HTRA3: variants seen among roughly 807,000 people sequenced by gnomAD.
HTRA3 encodes the protein HtrA serine peptidase 3, also known as serine protease HTRA3.
Under a neutral mutation model 43.2 loss-of-function variants are expected in HTRA3, and 41 were observed. The observed-to-expected ratio is 0.95, with a 90% CI of 0.74 to 1.23. The LOEUF (loss-of-function observed/expected upper bound fraction) is 1.23, where lower values mean the gene tolerates loss of function less well. Among genes scored for constraint, HTRA3 ranks in the 50% most tolerant of loss-of-function variants. The pLI, the probability that HTRA3 is intolerant of heterozygous loss-of-function variation, is 0.00. For synonymous variants in HTRA3, 295 were observed against 287.9 expected (o/e 1.02, Z -0.25); for missense variants, 628 against 647.1 (o/e 0.97, Z 0.32).
intron 3 of HTRA3, among the ~76,000 whole-genome samples, chr4:8,290,227 C>T (rs776800981): frequency 1.3e-5 from 2 of 152,246 alleles, no homozygotes; most frequent in South Asian, 2.1e-4. Flanking sequence ...CAAGGGCTCC[C>T]GTAATCCTGT....
chr4:8,301,106 C>A (rs1713634273), intron 6 of HTRA3, among the ~76,000 whole-genome samples: 1 of 150,668 alleles, frequency 6.6e-6, no homozygotes. Context: ...ATTATTGATT[C>A]ACACTCTCAG....
At position 8,306,220 on chromosome 4, in the gene HTRA3, C is replaced by T. The variant is rs1268951401; in HGVS notation, c.*84C>T. 19 of 1,407,032 alleles carry T rather than the reference C, an allele frequency of 1.4e-5. No individual in the cohort carries two copies. In the South Asian group the frequency reaches 1.6e-4, roughly 12 times the overall value. The allele number at this position is 1,407,032 out of a possible 1,614,324, so 87.2% of individuals were successfully genotyped here. ...CCCCGAGATCAGGACGAAGGACCAC[C>T]GTCGGTCCTCAGCAGGGCGGCAGCC... On this transcript the variant is annotated 3_prime_UTR_variant, in exon 9 of 9. Coordinates refer to ENST00000307358, the MANE Select transcript of HTRA3 (RefSeq NM_053044.5). This position sits in a 1 kb window ranked among gnomAD's most constrained non-coding sequence, Gnocchi z 8.9.
Position 8,286,751 on chromosome 4 carries a change from T to C in HTRA3, c.676T>C (p.Ser226Pro). The C allele has an allele frequency of 6.2e-7, 1 of 1,613,946 alleles. No individual in the cohort carries two copies. Among genetic ancestry groups the C allele is most frequent in the Non-Finnish European group, 8.5e-7 (1 of 1,179,984 alleles). Residue 226 changes from serine (S) to proline (P), a missense_variant, in exon 3 of 9, where the codon TCG becomes CCG. Physicochemically the swap from Ser to Pro is moderately conservative, Grantham distance 74. Transcript: ENST00000307358. This position sits in a 1 kb window ranked among gnomAD's most constrained non-coding sequence, Gnocchi z 4.9. ...CACCATCAAAGACATCGACAAGAAG[T>C]CGGACATTGCCACCATCAAGATCCA... ...EATIKDIDKKSDIATIKIHPK... is the reference protein window; with the variant it reads ...EATIKDIDKKPDIATIKIHPK...
intron 3 of HTRA3, among the ~76,000 whole-genome samples, chr4:8,289,569 C>T (rs921578862): frequency 1.3e-4 from 20 of 152,340 alleles, no homozygotes; most frequent in African/African-American, 1.7e-4. Flanking sequence ...CTGAGCAGGA[C>T]GCCCCACCAG....
chr4:8,277,212 T>C (rs1712563666), intron 1 of HTRA3, among the ~76,000 whole-genome samples: 1 of 151,870 alleles, frequency 6.6e-6, no homozygotes, highest in Non-Finnish European at 1.5e-5. Flanking sequence ...TGGGGCAAAG[T>C]TCACTAGGGG....
chr4:8,274,297 A>G (rs1480232864), intron 1 of HTRA3, among the ~76,000 whole-genome samples: 1 of 151,238 alleles, frequency 6.6e-6, no homozygotes, highest in Non-Finnish European at 1.5e-5. Context: ...TCCTGCCTTC[A>G]CCCGGATGTC....
chr4:8,284,899 G>A lies in HTRA3; in HGVS notation c.486-1662G>A, dbSNP rs140822579. Among the ~76,000 whole-genome samples, 12 of 152,340 alleles carry A rather than the reference G, an allele frequency of 7.9e-5. No homozygotes were observed. In the East Asian group the frequency reaches 2.3e-3, roughly 29 times the overall value. ...CTGCCATAACAAAGTACCACAGACT[G>A]CATGGCTTAAAATGACAGAGATGTT... is the stretch of plus-strand genomic sequence containing the variant. On this transcript the variant is annotated intron_variant, in intron 2 of 8. Transcript: ENST00000307358.
In HTRA3 at chr4:8,288,329, A is replaced by C. The variant is rs55884296; in HGVS notation, c.708+1546A>C. Among the ~76,000 whole-genome samples, 642 of 152,276 alleles carry C rather than the reference A, an allele frequency of 4.2e-3. 5 individuals carry two copies. The highest frequency in any genetic ancestry group is 6.9e-3 in the Admixed American group (105 of 15,304). ...GCCCTTGTTGCCCAGGCTGGAGTGC[A>C]ATGGCGTCATCTCGGCTCACCACAA... On this transcript the variant is annotated intron_variant, in intron 3 of 8. Coordinates refer to ENST00000307358, the MANE Select transcript of HTRA3 (RefSeq NM_053044.5).
At chr4:8,271,666 T>G (rs1212635912) in intron 1 of HTRA3, among the ~76,000 whole-genome samples, 1 of 152,120 alleles carries the variant, frequency 6.6e-6, no homozygotes, top group Non-Finnish European at 1.5e-5. Context: ...GGTTGTCTGG[T>G]GAGGGCTGCA....
intron 8 of HTRA3, 63 bp from the exon 9 acceptor site, chr4:8,305,908 C>G: frequency 6.3e-7 from 1 of 1,588,710 alleles, no homozygotes; most frequent in Non-Finnish European, 8.6e-7. Flanking sequence ...CGCTCTGGGC[C>G]GGGCCTGGGA....
intron 1 of HTRA3, among the ~76,000 whole-genome samples, chr4:8,273,451 C>A (rs1021297605): frequency 2.0e-5 from 3 of 152,138 alleles, no homozygotes; most frequent in African/African-American, 7.2e-5. Context: ...CCTCTCCCCT[C>A]CCCATGTCAG....
chr4:8,294,273 G>A, intron 6 of HTRA3, 72 bp downstream of exon 6: 3 of 1,140,020 alleles, frequency 2.6e-6, no homozygotes, highest in South Asian at 2.7e-5. Context: ...TAACACCCCA[G>A]CCCTGGGACC....
At chr4:8,294,952 C>T (rs1028636344) in intron 6 of HTRA3, among the ~76,000 whole-genome samples, 16 of 151,164 alleles carry the variant, frequency 1.1e-4, no homozygotes, top group East Asian at 2.0e-4. Flanking sequence ...CCCATCCATC[C>T]GTCCATCCAT....
chr4:8,271,194 G>A (rs148353598), intron 1 of HTRA3, among the ~76,000 whole-genome samples: 324 of 150,060 alleles, frequency 2.2e-3, no homozygotes, highest in African/African-American at 7.6e-3. Context: ...ACCAACTGCC[G>A]GGGCTCCTGG....
At chr4:8,285,956 C>T (rs1424353161) in intron 2 of HTRA3, among the ~76,000 whole-genome samples, 14 of 152,194 alleles carry the variant, frequency 9.2e-5, no homozygotes, top group Admixed American at 9.2e-4. Flanking sequence ...CTCACCCTGT[C>T]GGGATGATCA....
At chr4:8,276,259 C>T (rs1245285106) in intron 1 of HTRA3, among the ~76,000 whole-genome samples, 1 of 152,222 alleles carries the variant, frequency 6.6e-6, no homozygotes, top group Admixed American at 6.5e-5. Context: ...CTCTTTGCAC[C>T]TCAGTTTCTT....
intron 1 of HTRA3, among the ~76,000 whole-genome samples, chr4:8,271,299 C>G (rs1374639514): frequency 2.0e-5 from 3 of 152,168 alleles, no homozygotes; most frequent in Non-Finnish European, 4.4e-5. Context: ...ACTGAGCGCT[C>G]TATTCCTGTA....
intron 7 of HTRA3, 57 bp downstream of exon 7, chr4:8,302,568 A>C: frequency 1.3e-6 from 2 of 1,552,570 alleles, no homozygotes; most frequent in Admixed American, 1.7e-5. Flanking sequence ...CCTCACCCTG[A>C]CCCTCCCTCC....
chr4:8,290,760 A>G (rs1713200382), intron 3 of HTRA3, among the ~76,000 whole-genome samples: 1 of 152,206 alleles, frequency 6.6e-6, no homozygotes, highest in Non-Finnish European at 1.5e-5. Context: ...AATCAGACAG[A>G]CAGGCTCCGC....
Sources: gnomAD v4.1 joint callset for allele counts (sites outside exome capture counted in the v4.1 genomes callset) on GRCh38, gnomAD v4.1.1 for gene constraint, Gnocchi (gnomAD v3.1) non-coding constraint, MANE v1.5 for transcripts, NCBI Gene and HGNC (gene_info 2026-07-23, HGNC 2026-07-21) for gene names.